The following KAZN variants were observed in gnomAD, a reference collection of about 807,000 sequenced individuals.
The protein encoded by KAZN is kazrin, periplakin interacting protein.
In KAZN, 40 loss-of-function variants were observed where a neutral mutation model predicts 87.4. The observed-to-expected ratio is 0.46, with a 90% CI of 0.36 to 0.60. The LOEUF is 0.60. Among genes scored for constraint, KAZN ranks in the 20% least tolerant of loss-of-function variants. The probability of loss-of-function intolerance (pLI) is 0.00; values close to 1 mark genes in which losing one functional copy is unlikely to be tolerated. For missense variants in KAZN, 898 were observed against 1,073.9 expected, an observed-to-expected ratio of 0.84 and a Z score of 2.29; for synonymous variants, 466 against 458.3, an observed-to-expected ratio of 1.02 and a Z score of -0.22.
intron 2 of KAZN, among the ~76,000 whole-genome samples, chr1:14,488,271 T>C (rs1669458324): frequency 6.6e-6 from 1 of 152,088 alleles, no homozygotes; most frequent in Admixed American, 6.5e-5. Context: ...GAGGAGAGGC[T>C]CAAAGCTGCC....
chr1:14,800,619 G>A (rs1052950151), intron 1 of KAZN, among the ~76,000 whole-genome samples: 6 of 152,284 alleles, frequency 3.9e-5, no homozygotes, highest in South Asian at 2.1e-4. Context: ...TGGGAGGATC[G>A]CTTGAGCCTG....
At chr1:14,099,081 G>A (rs1053797783) in intron 1 of KAZN, among the ~76,000 whole-genome samples, 1 of 152,116 alleles carries the variant, frequency 6.6e-6, no homozygotes. Flanking sequence ...GTTTGATTGG[G>A]TAGCCTCTCC....
chr1:14,438,473 G>A (rs1666525208), intron 2 of KAZN, among the ~76,000 whole-genome samples: 1 of 152,218 alleles, frequency 6.6e-6, no homozygotes, highest in Admixed American at 6.5e-5. Flanking sequence ...TCATGTGGAG[G>A]CAAGAGAGTA....
At chr1:14,235,481 G>A (rs1648327532) in intron 2 of KAZN, among the ~76,000 whole-genome samples, 1 of 152,146 alleles carries the variant, frequency 6.6e-6, no homozygotes, top group South Asian at 2.1e-4. Flanking sequence ...ACCACTATTA[G>A]GTAAGGGGTT....
chr1:14,861,477 A>T lies in KAZN; in HGVS notation c.227-99207A>T, dbSNP rs537767862. ...AACAATGGGATGTCATCATTGAGAC[A>T]TAAGGAATGCACTAAAGGATCCTGT... On this transcript the variant is annotated intron_variant, in intron 1 of 14. Transcript: ENST00000376030. 6.6e-5 allele frequency among the ~76,000 whole-genome samples: 10 copies of T among 152,368 alleles called. No individual in the cohort carries two copies. In the East Asian group the frequency reaches 1.9e-3, roughly 29 times the overall value.
chr1:14,034,727 T>C (rs922869678), intron 1 of KAZN, among the ~76,000 whole-genome samples: 2 of 152,158 alleles, frequency 1.3e-5, no homozygotes, highest in Non-Finnish European at 2.9e-5. Context: ...CATGGTTCGT[T>C]GGGTGCACTT....
chr1:14,320,393 A>T (rs1655967336), intron 2 of KAZN, among the ~76,000 whole-genome samples: 1 of 152,148 alleles, frequency 6.6e-6, no homozygotes, highest in Non-Finnish European at 1.5e-5. Flanking sequence ...ACACAAACAG[A>T]TTTGAGAATC....
chr1:15,053,192 T>C (rs954360350), intron 4 of KAZN, among the ~76,000 whole-genome samples: 2 of 152,172 alleles, frequency 1.3e-5, no homozygotes, highest in African/African-American at 4.8e-5. Context: ...CCCCTAAGAC[T>C]GCGAGTGTAG....
chr1:14,877,849 C>T lies in KAZN; in HGVS notation c.227-82835C>T, dbSNP rs186986643. Among the ~76,000 whole-genome samples the T allele has an allele frequency of 1.9e-3, 283 of 152,268 alleles. 1 individual carries two copies. Among genetic ancestry groups the T allele is most frequent in the African/African-American group, 6.3e-3 (262 of 41,556 alleles). On this transcript the variant is annotated intron_variant, in intron 1 of 14. Coordinates refer to ENST00000376030, the MANE Select transcript of KAZN (RefSeq NM_201628.3). ...TGATATTCACAATTATCATGAATAT[C>T]TTACAAATACTTTCATTAATTCCAC...
intron 2 of KAZN, among the ~76,000 whole-genome samples, chr1:14,406,798 C>T (rs888358647): frequency 2.6e-5 from 4 of 152,184 alleles, no homozygotes; most frequent in African/African-American, 9.7e-5. Context: ...TGCCCTGTGG[C>T]CCAGTCAAGT....
At chr1:14,122,464 A>G (rs1261380732) in intron 1 of KAZN, among the ~76,000 whole-genome samples, 2 of 152,238 alleles carry the variant, frequency 1.3e-5, no homozygotes, top group African/African-American at 2.4e-5. Context: ...GAATCATCCC[A>G]TTTCATTCCC....
chr1:14,922,147 T>C (rs1231897683), intron 1 of KAZN, among the ~76,000 whole-genome samples: 1 of 152,252 alleles, frequency 6.6e-6, no homozygotes, highest in Admixed American at 6.5e-5. Context: ...AAGTGTTTAA[T>C]ATGCCAAGAG....
intron 2 of KAZN, among the ~76,000 whole-genome samples, chr1:14,568,162 G>A (rs145998848): frequency 8.4e-4 from 128 of 152,270 alleles, no homozygotes; most frequent in African/African-American, 2.8e-3. Context: ...AAGAGAATCC[G>A]TGCAAAAGAG....
At chr1:14,680,650 C>G (rs1170438998) in intron 1 of KAZN, among the ~76,000 whole-genome samples, 1 of 152,024 alleles carries the variant, frequency 6.6e-6, no homozygotes, top group Non-Finnish European at 1.5e-5. Context: ...GTGTGATGTT[C>G]CCCTCCCTAT....
At chr1:14,093,817 G>T (rs1644062995) in intron 1 of KAZN, among the ~76,000 whole-genome samples, 1 of 152,158 alleles carries the variant, frequency 6.6e-6, no homozygotes, top group Non-Finnish European at 1.5e-5. Flanking sequence ...CAATGAAGAA[G>T]ATTCTCTAGT....
chr1:14,988,629 C>T (rs376433974), intron 2 of KAZN, among the ~76,000 whole-genome samples: 8 of 152,228 alleles, frequency 5.3e-5, no homozygotes, highest in East Asian at 1.9e-4. Flanking sequence ...TTGAAAAGTC[C>T]GTCCAGCCAG....
intron 2 of KAZN, among the ~76,000 whole-genome samples, chr1:14,361,109 C>A (rs1659473737): frequency 6.6e-6 from 1 of 152,258 alleles, no homozygotes; most frequent in Admixed American, 6.5e-5. Context: ...GGGCTGCTGC[C>A]TTTCTTTCAG....
chr1:15,101,609 G>A lies in KAZN; in HGVS notation c.1614G>A (p.Leu538=). The A allele has an allele frequency of 6.4e-7, 1 of 1,556,942 alleles. No individual in the cohort carries two copies. The highest frequency in any genetic ancestry group is 1.4e-5 in the African/African-American group (1 of 73,452). ...VAKAWLNDIG[L]SQYSQAFQNH... Reference sequence around the variant, plus strand: ...AGGCCTGGCTGAATGACATTGGCCTGTCCCAGTACTCCCAGGCCTTTCAGA... The same window carrying A: ...AGGCCTGGCTGAATGACATTGGCCTATCCCAGTACTCCCAGGCCTTTCAGA... Residue 538 remains leucine (L), a synonymous_variant, in exon 11 of 15, where the codon CTG becomes CTA. Transcript: ENST00000376030.
At chr1:14,322,630 T>C (rs1271193607) in intron 2 of KAZN, among the ~76,000 whole-genome samples, 1 of 152,194 alleles carries the variant, frequency 6.6e-6, no homozygotes, top group African/African-American at 2.4e-5. Context: ...ACATAAATGG[T>C]GGCCAAATCT....
Sources: gnomAD v4.1 joint callset for allele counts (sites outside exome capture counted in the v4.1 genomes callset) on GRCh38, gnomAD v4.1.1 for gene constraint, MANE v1.5 for transcripts, NCBI Gene and HGNC (gene_info 2026-07-23, HGNC 2026-07-21) for gene names.